ATF1: variants seen among roughly 807,000 people sequenced by gnomAD.
ATF1 encodes the protein activating transcription factor 1.
A neutral mutation model predicts 34.7 loss-of-function variants in ATF1; 16 were observed. The ratio of observed to expected loss-of-function variants is 0.46; its 90% CI spans 0.31 to 0.70. The LOEUF (loss-of-function observed/expected upper bound fraction) is 0.70, where lower values mean the gene tolerates loss of function less well. Among genes scored for constraint, ATF1 ranks in the 30% least tolerant of loss-of-function variants. The pLI, the probability that ATF1 is intolerant of heterozygous loss-of-function variation, is 0.05. For synonymous variants in ATF1, 105 were observed against 113.1 expected (o/e 0.93, Z 0.46); for missense variants, 255 against 321.6 (o/e 0.79, Z 1.58).
At chr12:50,765,833 C>T (rs993879828) in intron 1 of ATF1, among the ~76,000 whole-genome samples, 4 of 152,154 alleles carry the variant, frequency 2.6e-5, no homozygotes, top group African/African-American at 4.8e-5. Flanking sequence ...CAGGAAGTTA[C>T]CCTATATGGT....
intron 4 of ATF1, among the ~76,000 whole-genome samples, chr12:50,811,051 C>T (rs1941725944): frequency 6.6e-6 from 1 of 152,144 alleles, no homozygotes; most frequent in South Asian, 2.1e-4. Flanking sequence ...TTCTGACCAC[C>T]CCAGACTTCC....
At chr12:50,766,086 A>G (rs761782439) in intron 1 of ATF1, among the ~76,000 whole-genome samples, 4 of 152,170 alleles carry the variant, frequency 2.6e-5, no homozygotes, top group Non-Finnish European at 5.9e-5. Flanking sequence ...GTCCTGTAAC[A>G]TATTTCTGGC....
intron 2 of ATF1, among the ~76,000 whole-genome samples, chr12:50,790,421 G>A (rs191048017): frequency 2.6e-3 from 398 of 152,116 alleles, no homozygotes; most frequent in Non-Finnish European, 4.8e-3. Context: ...GCCCAGGCTG[G>A]TCTTGAACTC....
chr12:50,795,998 C>A lies in ATF1; in HGVS notation c.183C>A (p.Arg61=), dbSNP rs1592188244. The change falls in exon 3 of 7, where the codon CGC becomes CGA. Residue 61 remains arginine, a synonymous_variant. Transcript: ENST00000262053. ...AAGCCCACGGGATCCTAGCACGGCG[C>A]CCATCTTACAGGTGAGTACTCTCTT... ...SQKAHGILAR[R]PSYRKILKDL... The A allele has an allele frequency of 6.2e-7, 1 of 1,611,590 alleles. No individual in the cohort carries two copies. The highest frequency in any genetic ancestry group is 2.2e-5 in the East Asian group (1 of 44,870).
At chr12:50,772,962 C>T (rs1444561380) in intron 1 of ATF1, among the ~76,000 whole-genome samples, 3 of 152,184 alleles carry the variant, frequency 2.0e-5, no homozygotes, top group Non-Finnish European at 1.5e-5. Flanking sequence ...TGTTCTCCCA[C>T]CATGTGTCCC....
intron 1 of ATF1, among the ~76,000 whole-genome samples, chr12:50,765,123 G>T (rs1435599556): frequency 2.0e-5 from 3 of 152,302 alleles, no homozygotes; most frequent in East Asian, 3.9e-4. Flanking sequence ...AAGAGATTGG[G>T]CAACTGGTAG....
chr12:50,818,682 T>C (rs1485923552), intron 6 of ATF1, among the ~76,000 whole-genome samples: 2 of 152,212 alleles, frequency 1.3e-5, no homozygotes, highest in Non-Finnish European at 2.9e-5. Flanking sequence ...CGATCTTGGC[T>C]CACTGCAACC....
Position 50,811,526 on chromosome 12 carries a change from G to A in ATF1, c.328+1937G>A, listed in dbSNP as rs144451082. Among the ~76,000 whole-genome samples the A allele has an allele frequency of 3.8e-3, 570 of 150,022 alleles. 2 individuals are homozygous for A. Among genetic ancestry groups the A allele is most frequent in the Non-Finnish European group, 5.7e-3 (388 of 67,720 alleles). ...GGGCCAGGCACTGTAGTTCATGTCC[G>A]TAATCTCAGTACGTTGAGAGGCTGA... On this transcript the variant is annotated intron_variant, in intron 4 of 6. Coordinates refer to ENST00000262053, the MANE Select transcript of ATF1 (RefSeq NM_005171.5).
intron 2 of ATF1, among the ~76,000 whole-genome samples, chr12:50,783,678 G>A (rs1941120718): frequency 6.6e-6 from 1 of 151,906 alleles, no homozygotes; most frequent in Non-Finnish European, 1.5e-5. Flanking sequence ...GACCAGCCTG[G>A]CCAAGATGGT....
intron 1 of ATF1, among the ~76,000 whole-genome samples, chr12:50,765,107 G>A (rs1196160510): frequency 6.6e-6 from 1 of 152,222 alleles, no homozygotes; most frequent in Non-Finnish European, 1.5e-5. Context: ...TGGCGCTAGT[G>A]TTTTGAAGAG....
intron 2 of ATF1, among the ~76,000 whole-genome samples, chr12:50,782,687 CT>C (rs71086480): frequency 1.7e-3 from 177 of 102,526 alleles, no homozygotes; most frequent in East Asian, 0.016. Context: ...TGTGGCCAGC[CT>C]TTTTTTTTTT....
chr12:50,820,727 A>ATAGT lies in ATF1; in HGVS notation c.*951_*954dup. 5.6e-6 allele frequency: 1 copy of ATAGT among 179,222 alleles called. No individual in the cohort carries two copies. Among genetic ancestry groups the ATAGT allele is most frequent in the East Asian group, 9.2e-5 (1 of 10,812 alleles). 11.1% of individuals were successfully genotyped at this position (179,222 alleles called of 1,614,324 possible). A position where few individuals can be genotyped will look rare whatever the true frequency, so the allele number is the denominator to read the frequency against. ...AAGGTTTATCAGATTCTATAATAGT[A>ATAGT]TAGTTATTAAGGCAATTTTATGTTA... On this transcript the variant is annotated 3_prime_UTR_variant, in exon 7 of 7. Transcript: ENST00000262053.
At chr12:50,784,324 G>C (rs1200767717) in intron 2 of ATF1, among the ~76,000 whole-genome samples, 1 of 152,220 alleles carries the variant, frequency 6.6e-6, no homozygotes, top group East Asian at 1.9e-4. Flanking sequence ...ATGTGCCATG[G>C]AGACAAATAA....
In ATF1 at chr12:50,819,680, A is replaced by T; in HGVS notation, c.717A>T (p.Lys239Asn). 6.2e-7 allele frequency: 1 copy of T among 1,613,344 alleles called. No homozygotes were observed. Among genetic ancestry groups the T allele is most frequent in the Non-Finnish European group, 8.5e-7 (1 of 1,179,764 alleles). The stretch of plus-strand genomic sequence containing the variant: ...GCAGAAAGAAGAAAGAATATGTGAA[A>T]TGCCTGGAAAACCGAGTTGCAGTCC... ...ECRRKKKEYVKCLENRVAVLE... is the reference protein window; with the variant it reads ...ECRRKKKEYVNCLENRVAVLE... The change falls in exon 7 of 7, where the codon AAA (lysine) becomes AAT (asparagine). Residue 239 changes from lysine (K) to asparagine (N), a missense_variant. Transcript: ENST00000262053.
chr12:50,809,395 ATTAT>A (rs757426851), intron 3 of ATF1, 57 bp from the exon 4 acceptor site: 8 of 1,197,720 alleles, frequency 6.7e-6, no homozygotes, highest in Admixed American at 2.6e-5. Context: ...AAAAAAAAAA[ATTAT>A]TTTTGTGAAG....
At chr12:50,766,510 T>C (rs1940639317) in intron 1 of ATF1, among the ~76,000 whole-genome samples, 1 of 149,882 alleles carries the variant, frequency 6.7e-6, no homozygotes, top group Non-Finnish European at 1.5e-5. Context: ...AAAAGGGGAG[T>C]CTTTTTTTTT....
intron 1 of ATF1, among the ~76,000 whole-genome samples, chr12:50,776,575 C>T (rs1940930820): frequency 1.3e-5 from 2 of 149,610 alleles, no homozygotes; most frequent in South Asian, 4.2e-4. Context: ...ATAACTCATA[C>T]AACTAATGGA....
At chr12:50,776,297 CAG>C (rs1479352230) in intron 1 of ATF1, among the ~76,000 whole-genome samples, 1 of 107,768 alleles carries the variant, frequency 9.3e-6, no homozygotes, top group Non-Finnish European at 2.3e-5. Flanking sequence ...GCCTGGGTGA[CAG>C]AGTGAGACTC....
intron 1 of ATF1, among the ~76,000 whole-genome samples, chr12:50,770,110 A>G (rs1940735157): frequency 6.6e-6 from 1 of 152,248 alleles, no homozygotes; most frequent in Non-Finnish European, 1.5e-5. Context: ...AATTTGGAAC[A>G]TATTTGTTTC....
Sources: gnomAD v4.1 joint callset for allele counts (sites outside exome capture counted in the v4.1 genomes callset) on GRCh38, gnomAD v4.1.1 for gene constraint, MANE v1.5 for transcripts, NCBI Gene and HGNC (gene_info 2026-07-23, HGNC 2026-07-21) for gene names.